FRMPD2: variants seen among roughly 807,000 people sequenced by gnomAD.
FRMPD2 encodes FERM and PDZ domain-containing protein 2.
FRMPD2 carries 96 observed loss-of-function variants against 140.1 expected under a neutral mutation model. The observed-to-expected ratio is 0.69, with a 90% CI of 0.58 to 0.81. The LOEUF (loss-of-function observed/expected upper bound fraction) is 0.81. Ranked by LOEUF, FRMPD2 falls within the 40% of genes least tolerant of loss-of-function variation. The probability of loss-of-function intolerance (pLI) is 0.00; values close to 1 mark genes in which losing one functional copy is unlikely to be tolerated. For missense variants in FRMPD2, 1,240 were observed against 1,447.4 expected, an observed-to-expected ratio of 0.86 and a Z score of 2.32; for synonymous variants, 449 against 547.6, an observed-to-expected ratio of 0.82 and a Z score of 2.52.
At chr10:48,183,940 C>T (rs1168193169) in intron 20 of FRMPD2, among the ~76,000 whole-genome samples, 1 of 150,008 alleles carries the variant, frequency 6.7e-6, no homozygotes, top group Non-Finnish European at 1.5e-5. Flanking sequence ...AAGAGGGGAA[C>T]AACACACACC....
chr10:48,164,416 A>G (rs1287429747), intron 27 of FRMPD2, among the ~76,000 whole-genome samples: 1 of 150,774 alleles, frequency 6.6e-6, no homozygotes, highest in Non-Finnish European at 1.5e-5. Context: ...GTTCATTTTT[A>G]TATCTGTAGG....
intron 1 of FRMPD2, among the ~76,000 whole-genome samples, chr10:48,260,979 A>G (rs1056142279): frequency 7.2e-5 from 11 of 152,240 alleles, no homozygotes; most frequent in Non-Finnish European, 1.2e-4. Flanking sequence ...AAAAGTTAGC[A>G]ATCAACAGCA....
Position 48,238,014 on chromosome 10 carries a change from C to T in FRMPD2, c.898G>A (p.Gly300Ser), listed in dbSNP as rs1840009088. The change falls in exon 8 of 29, where the codon GGT becomes AGT. Residue 300 changes from glycine to serine, a missense_variant. Transcript: ENST00000374201. ...ACCTTGCTCCTTCTTTGCAGAAAAC[C>T]CCTCTGAGAAGGAGTTGTTGGCCAT... ...SSWPTTPSQRGFLQRRSKFSR... is the reference protein window; with the variant it reads ...SSWPTTPSQRSFLQRRSKFSR... The T allele has an allele frequency of 6.2e-7, 1 of 1,614,158 alleles. No individual in the cohort carries two copies. Among genetic ancestry groups the T allele is most frequent in the Non-Finnish European group, 8.5e-7 (1 of 1,180,038 alleles).
intron 17 of FRMPD2, among the ~76,000 whole-genome samples, chr10:48,186,612 G>A (rs927301082): frequency 3.5e-4 from 53 of 152,108 alleles, no homozygotes; most frequent in African/African-American, 1.2e-3. Flanking sequence ...GTGATTCTGA[G>A]GCCTCCCCAG....
chr10:48,200,655 A>G (rs1349264599), intron 15 of FRMPD2, among the ~76,000 whole-genome samples: 2 of 152,238 alleles, frequency 1.3e-5, no homozygotes, highest in African/African-American at 4.8e-5. Flanking sequence ...CCATCATTGA[A>G]GAAAGTGTCA....
intron 18 of FRMPD2, among the ~76,000 whole-genome samples, chr10:48,185,309 G>C (rs1338546527): frequency 6.6e-6 from 1 of 152,050 alleles, no homozygotes; most frequent in Non-Finnish European, 1.5e-5. Flanking sequence ...GGTATTAGGG[G>C]AAAAAATCTT....
chr10:48,260,189 G>A (rs376124865), intron 1 of FRMPD2, among the ~76,000 whole-genome samples: 2 of 151,874 alleles, frequency 1.3e-5, no homozygotes, highest in East Asian at 3.9e-4. Flanking sequence ...ATATATATAT[G>A]TAGATAGATA....
chr10:48,217,590 G>A (rs1023147466), intron 12 of FRMPD2, among the ~76,000 whole-genome samples: 2 of 152,170 alleles, frequency 1.3e-5, no homozygotes, highest in East Asian at 1.9e-4. Context: ...AGATATCAAT[G>A]TGCATTGCAT....
chr10:48,230,300 TA>T, intron 10 of FRMPD2, among the ~76,000 whole-genome samples: 1 of 152,308 alleles, frequency 6.6e-6, no homozygotes, highest in East Asian at 1.9e-4. Flanking sequence ...ATAAGTTCAA[TA>T]AAATATGCTC....
In FRMPD2 at chr10:48,212,364, A is replaced by C. The variant is rs76542807; in HGVS notation, c.1456-255T>G. ...TGCCAGGTAGTTCACAGAACACATA[A>C]GGCTTTTCTGATTCTCACAGGAATA... On this transcript the variant is annotated intron_variant, in intron 12 of 28. Transcript: ENST00000374201. 4.9e-3 allele frequency among the ~76,000 whole-genome samples: 751 copies of C among 152,238 alleles called. 4 individuals carry two copies. The highest frequency in any genetic ancestry group is 0.017 in the African/African-American group (708 of 41,538).
intron 17 of FRMPD2, 89 bp from the exon 18 acceptor site, chr10:48,185,734 A>T: frequency 1.1e-6 from 1 of 896,062 alleles, no homozygotes; most frequent in South Asian, 1.3e-5. Context: ...TTTCACACAC[A>T]TGCGCGCACA....
At chr10:48,160,670 C>T (rs1247206648) in intron 28 of FRMPD2, among the ~76,000 whole-genome samples, 2 of 130,590 alleles carry the variant, frequency 1.5e-5, no homozygotes, top group East Asian at 4.3e-4. Flanking sequence ...AATCCATGCT[C>T]TTTTTGTTGA....
intron 1 of FRMPD2, among the ~76,000 whole-genome samples, chr10:48,260,919 G>A (rs1416156459): frequency 6.6e-6 from 1 of 152,166 alleles, no homozygotes; most frequent in African/African-American, 2.4e-5. Flanking sequence ...AAGAATAGAT[G>A]GGTAAAATGT....
chr10:48,237,844 A>G, intron 8 of FRMPD2, 147 bp downstream of exon 8: 1 of 975,004 alleles, frequency 1.0e-6, no homozygotes, highest in Non-Finnish European at 1.6e-6. Context: ...TGCAAATTTC[A>G]GGTTTATGTT....
In FRMPD2 at chr10:48,187,200, A is replaced by C; in HGVS notation, c.2258T>G (p.Met753Arg). 1 of 1,613,076 alleles carries C rather than the reference A, an allele frequency of 6.2e-7. No homozygotes were observed. The highest frequency in any genetic ancestry group is 1.3e-5 in the African/African-American group (1 of 75,042). Residue 753 changes from methionine (M) to arginine (R), a missense_variant, in exon 17 of 29, where the codon ATG becomes AGG. Coordinates refer to ENST00000374201, the MANE Select transcript of FRMPD2 (RefSeq NM_001018071.4). ...CGTGGCCTGGCCCATACCTGCATGCATGCTCTGAACAGGTGGTCCAGAGAG... is the reference window on the plus strand; with the variant it reads ...CGTGGCCTGGCCCATACCTGCATGCCTGCTCTGAACAGGTGGTCCAGAGAG... ...DSLSGPPVQS[M>R]HAGSKNNRRK...
chr10:48,184,671 G>C lies in FRMPD2; in HGVS notation c.2479C>G (p.Leu827Val), dbSNP rs760022204. The C allele has an allele frequency of 6.2e-7, 1 of 1,610,046 alleles. No homozygotes were observed. Among genetic ancestry groups the C allele is most frequent in the Admixed American group, 1.7e-5 (1 of 59,958 alleles). Reference protein sequence around the residue: ...AKTIKPGGQILALNHISLEGF... With the variant: ...AKTIKPGGQIVALNHISLEGF... ...TCCAGACTGATGTGATTCAGGGCTA[G>C]TATCTGCCCTCCTAGAAAAATAAAA... Residue 827 changes from leucine (L) to valine (V), a missense_variant, in exon 20 of 29, where the codon CTA (leucine) becomes GTA (valine). Around this residue, in one of 6 missense-constraint regions of FRMPD2, gnomAD observed 1,161 missense variants for 1,055.9 expected, o/e 1.10. Transcript: ENST00000374201.
chr10:48,263,189 C>T (rs1405789647), intron 1 of FRMPD2, among the ~76,000 whole-genome samples: 2 of 152,050 alleles, frequency 1.3e-5, no homozygotes, highest in African/African-American at 2.4e-5. Flanking sequence ...AGACTTCTAA[C>T]ATTAAATGCA....
chr10:48,188,075 C>G (rs1343069256), intron 16 of FRMPD2, among the ~76,000 whole-genome samples: 1 of 152,148 alleles, frequency 6.6e-6, no homozygotes, highest in Non-Finnish European at 1.5e-5. Flanking sequence ...GGTCTCAGAG[C>G]CCTGGAAAAA....
chr10:48,244,950 T>C, intron 3 of FRMPD2, 101 bp from the exon 4 acceptor site: 1 of 909,414 alleles, frequency 1.1e-6, no homozygotes. Flanking sequence ...CAGACACTGT[T>C]GTCTGGCGAG....
Sources: allele counts gnomAD v4.1 joint callset (sites outside exome capture counted in the v4.1 genomes callset), GRCh38; gene constraint gnomAD v4.1.1; regional missense constraint gnomAD v4.1.1; transcripts MANE v1.5; gene names NCBI Gene and HGNC (gene_info 2026-07-23, HGNC 2026-07-21).